The following ADCY5 variants were observed in gnomAD, a reference collection of about 807,000 sequenced individuals.
ADCY5 encodes the protein adenylate cyclase 5.
In ADCY5, 30 loss-of-function variants were observed where a neutral mutation model predicts 119.7. That is an observed-to-expected ratio of 0.25 (90% CI 0.19 to 0.34). The LOEUF is 0.34. Among genes scored for constraint, ADCY5 ranks in the 10% least tolerant of loss-of-function variants. ADCY5 has a pLI of 1.00. For missense variants in ADCY5, 1,324 were observed against 1,775.2 expected (o/e 0.75, Z 4.57); for synonymous variants, 753 against 762.2 (o/e 0.99, Z 0.20).
In ADCY5 at chr3:123,296,224, G is replaced by C. The variant is rs770248837; in HGVS notation, c.2931-8C>G. The C allele has an allele frequency of 1.9e-6, 3 of 1,613,386 alleles. No individual in the cohort carries two copies. Among genetic ancestry groups the C allele is most frequent in the Non-Finnish European group, 2.5e-6 (3 of 1,179,812 alleles). On this transcript the variant is annotated splice_polypyrimidine_tract_variant and splice_region_variant and intron_variant, in intron 16 of 20. Coordinates refer to ENST00000462833, the MANE Select transcript of ADCY5 (RefSeq NM_183357.3). ...TTGGTTGCATGCTCAGGGCTGTGGG[G>C]AGGTGGTGGACAGGCCTGAGACGGC...
intron 1 of ADCY5, among the ~76,000 whole-genome samples, chr3:123,402,372 C>T (rs1667335688): frequency 6.6e-6 from 1 of 152,238 alleles, no homozygotes; most frequent in Non-Finnish European, 1.5e-5. Flanking sequence ...CCCAGAGTTA[C>T]TATTCTTGGG....
chr3:123,423,614 C>A (rs941434876), intron 1 of ADCY5, among the ~76,000 whole-genome samples: 1 of 152,152 alleles, frequency 6.6e-6, no homozygotes, highest in African/African-American at 2.4e-5. Flanking sequence ...GACAGACAAG[C>A]CCCTGCCCTC....
intron 1 of ADCY5, among the ~76,000 whole-genome samples, chr3:123,380,246 C>T (rs1426255016): frequency 6.6e-6 from 1 of 152,196 alleles, no homozygotes; most frequent in African/African-American, 2.4e-5. Context: ...CAAACGTTTA[C>T]AGGGAGCCAG....
rs149604342 is a variant in ADCY5, at chr3:123,443,174, T to C, written c.1134+4238A>G. Among the ~76,000 whole-genome samples, 1,244 of 152,268 alleles carry C rather than the reference T, an allele frequency of 8.2e-3. 17 individuals are homozygous for C. Among genetic ancestry groups the C allele is most frequent in the African/African-American group, 0.028 (1,182 of 41,534 alleles). On this transcript the variant is annotated intron_variant, in intron 1 of 20. Transcript: ENST00000462833. ...GGTGGCAGCTCTTCAGCGGGGCTCA[T>C]TGGGCTGGGCTGCTGAGCAGGTAGG...
At chr3:123,396,532 AAAAG>A (rs370071235) in intron 1 of ADCY5, among the ~76,000 whole-genome samples, 9,187 of 137,742 alleles carry the variant, frequency 0.067, 826 homozygotes, top group African/African-American at 0.2. Flanking sequence ...AGAGAGAAAG[AAAAG>A]AAAGAAAGAA....
At position 123,448,794 on chromosome 3, in the gene ADCY5, G is replaced by A. The variant is rs1157893681; in HGVS notation, c.-249C>T. On this transcript the variant is annotated 5_prime_UTR_variant, in exon 1 of 21. Coordinates refer to ENST00000462833, the MANE Select transcript of ADCY5 (RefSeq NM_183357.3). The stretch of plus-strand genomic sequence containing the variant: ...CCAGGTCCGAAATGGAGTTGCCTCC[G>A]AGGTGGGGTCGCAGGGACTGGTCTG... 1.3e-5 allele frequency: 5 copies of A among 382,450 alleles called. No homozygotes were observed. Among genetic ancestry groups the A allele is most frequent in the Non-Finnish European group, 2.3e-5 (5 of 216,626 alleles). The allele number at this position is 382,450 out of a possible 1,614,324, so 23.7% of individuals were successfully genotyped here.
At chr3:123,396,828 G>GAGAGAGAGAGAGAC (rs1944608315) in intron 1 of ADCY5, among the ~76,000 whole-genome samples, 8 of 150,352 alleles carry the variant, frequency 5.3e-5, no homozygotes, top group African/African-American at 2.0e-4. Flanking sequence ...GCGAGAGAGA[G>GAGAGAGAGAGAGAC]AGAGAGAGAG....
At chr3:123,438,953 T>G (rs977723540) in intron 1 of ADCY5, among the ~76,000 whole-genome samples, 5 of 151,962 alleles carry the variant, frequency 3.3e-5, no homozygotes, top group African/African-American at 1.2e-4. Flanking sequence ...GGTCTCACTA[T>G]TTTGCCCAGG....
intron 1 of ADCY5, among the ~76,000 whole-genome samples, chr3:123,379,382 T>C (rs1261408111): frequency 6.6e-6 from 1 of 151,988 alleles, no homozygotes; most frequent in Non-Finnish European, 1.5e-5. Flanking sequence ...AGCATGACCT[T>C]CCTGGACCAT....
intron 1 of ADCY5, among the ~76,000 whole-genome samples, chr3:123,362,523 T>C (rs1050114254): frequency 3.9e-5 from 6 of 152,204 alleles, no homozygotes; most frequent in African/African-American, 1.4e-4. Flanking sequence ...TACTTATTCC[T>C]AGGAAGACCC....
intron 1 of ADCY5, chr3:123,367,935 C>A (rs1943504693): frequency 6.5e-7 from 1 of 1,535,844 alleles, no homozygotes; most frequent in Non-Finnish European, 8.7e-7. Context: ...TAGATGGGGC[C>A]ATGTCTTCCG....
At chr3:123,314,175 C>G in intron 12 of ADCY5, 60 bp downstream of exon 12, 1 of 1,436,586 alleles carries the variant, frequency 7.0e-7, no homozygotes, top group Non-Finnish European at 9.7e-7. Context: ...TGGGTAGGGC[C>G]CCTAGGGCTG....
chr3:123,445,604 C>T (rs1052874811), intron 1 of ADCY5, among the ~76,000 whole-genome samples: 2 of 152,180 alleles, frequency 1.3e-5, no homozygotes, highest in African/African-American at 2.4e-5. Flanking sequence ...CTTTTATAAG[C>T]ACTAACAATG....
chr3:123,393,498 A>C (rs1225435877), intron 1 of ADCY5, among the ~76,000 whole-genome samples: 1 of 152,088 alleles, frequency 6.6e-6, no homozygotes. Flanking sequence ...TTGAGGCCAC[A>C]GTAAGCTATG....
chr3:123,322,894 G>A (rs773899874), intron 8 of ADCY5, among the ~76,000 whole-genome samples: 1 of 152,116 alleles, frequency 6.6e-6, no homozygotes, highest in Non-Finnish European at 1.5e-5. Context: ...ACTACTTCGC[G>A]CTCCCAGCCC....
At chr3:123,288,546 T>C (rs1444517241) in intron 19 of ADCY5, among the ~76,000 whole-genome samples, 1 of 152,176 alleles carries the variant, frequency 6.6e-6, no homozygotes, top group African/African-American at 2.4e-5. Flanking sequence ...GTAAGACCTA[T>C]TCTAAGGACA....
rs368945449 is a variant in ADCY5, at chr3:123,447,897, G to A, written c.649C>T (p.Arg217Cys). 6.2e-7 allele frequency: 1 copy of A among 1,611,452 alleles called. No homozygotes were observed. Among genetic ancestry groups the A allele is most frequent in the East Asian group, 2.2e-5 (1 of 44,802 alleles). The change falls in exon 1 of 21, where the codon CGC becomes TGC. Residue 217 changes from arginine to cysteine, a missense_variant. Coordinates refer to ENST00000462833, the MANE Select transcript of ADCY5 (RefSeq NM_183357.3). ...TTGTCCGACGGGAACTTCTTGGAGC[G>A]GAATATCTGCAGCAACGCCAGGCAG... is the stretch of plus-strand genomic sequence containing the variant. ...ACCLALLQIF[R>C]SKKFPSDKLE...
chr3:123,298,394 A>G (rs1939644633), intron 15 of ADCY5, among the ~76,000 whole-genome samples: 1 of 152,160 alleles, frequency 6.6e-6, no homozygotes, highest in South Asian at 2.1e-4. Context: ...GATGCTGAGG[A>G]TGGGAAGGAG....
At chr3:123,325,238 G>A (rs752251310) in intron 8 of ADCY5, 84 bp downstream of exon 8, 6 of 1,514,634 alleles carry the variant, frequency 4.0e-6, no homozygotes, top group Non-Finnish European at 5.4e-6. Context: ...TGGGCAACAC[G>A]AGGCATCTGG....
Sources: gnomAD v4.1 joint callset for allele counts (sites outside exome capture counted in the v4.1 genomes callset) on GRCh38, gnomAD v4.1.1 for gene constraint, MANE v1.5 for transcripts, NCBI Gene and HGNC (gene_info 2026-07-23, HGNC 2026-07-21) for gene names.